UGGT2: variants seen among roughly 807,000 people sequenced by gnomAD.
UGGT2 encodes the protein UDP-glucose:glycoprotein glucosyltransferase 2.
In UGGT2, 180 loss-of-function variants were observed where a neutral mutation model predicts 192.1. That is an observed-to-expected ratio of 0.94 (90% CI 0.83 to 1.06). UGGT2 has a LOEUF of 1.06. Ranked by LOEUF, UGGT2 falls within the 50% of genes least tolerant of loss-of-function variation. UGGT2 has a pLI of 0.00. For synonymous variants in UGGT2, 580 were observed against 591.0 expected (o/e 0.98, Z 0.27); for missense variants, 1,849 against 1,795.7 (o/e 1.03, Z -0.54).
intron 38 of UGGT2, among the ~76,000 whole-genome samples, chr13:95,813,300 G>A (rs1884665632): frequency 6.6e-6 from 1 of 152,188 alleles, no homozygotes; most frequent in African/African-American, 2.4e-5. Flanking sequence ...GGACAGTGAA[G>A]TGAGCTCTCA....
chr13:95,959,963 G>A (rs61972933), intron 12 of UGGT2, among the ~76,000 whole-genome samples: 3,793 of 152,250 alleles, frequency 0.025, 57 homozygotes, highest in Non-Finnish European at 0.034. Context: ...TAGCAACTGT[G>A]CTACAAGCCA....
Position 96,023,652 on chromosome 13 carries a change from G to A in UGGT2, c.349C>T (p.Pro117Ser). 1.2e-6 allele frequency: 2 copies of A among 1,609,394 alleles called. No individual in the cohort carries two copies. The highest frequency in any genetic ancestry group is 1.7e-6 in the Non-Finnish European group (2 of 1,177,164). ...ACCTGCTGAAACATCTGAATAGCTG[G>A]GGAGTATGCCCTTATAGAGAAAGCA... ...KFAFSIRAYS[P>S]AIQMFQQIAA... The change falls in exon 3 of 39, where the codon CCA becomes TCA. Residue 117 changes from proline (P) to serine (S), a missense_variant. Transcript: ENST00000376747.
intron 1 of UGGT2, among the ~76,000 whole-genome samples, chr13:96,052,088 C>G (rs1205928060): frequency 3.3e-5 from 5 of 152,180 alleles, no homozygotes; most frequent in Non-Finnish European, 5.9e-5. Flanking sequence ...ACCCATCAAT[C>G]AACGAGTGGA....
rs1037484848 is a variant in UGGT2 at position 95,927,018 on chromosome 13, T to C, written c.2200+10A>G. ...TTTAAGAATTCAGGTAAATAAAATA[T>C]GCTTATTACCGTCTTGGGTTAAATA... On this transcript the variant is annotated intron_variant, in intron 19 of 38. Transcript: ENST00000376747. The C allele has an allele frequency of 1.3e-6, 2 of 1,586,112 alleles. No homozygotes were observed.
chr13:96,022,973 G>A, intron 4 of UGGT2, 67 bp downstream of exon 4: 1 of 1,139,672 alleles, frequency 8.8e-7, no homozygotes. Flanking sequence ...TTTATTATAA[G>A]AAGTTTCTGC....
At chr13:95,856,063 AT>A (rs555446602) in intron 34 of UGGT2, 94 bp downstream of exon 34, 4 of 1,036,976 alleles carry the variant, frequency 3.9e-6, no homozygotes, top group Admixed American at 2.9e-5. Flanking sequence ...CGTAATGAAG[AT>A]AATAAACATG....
chr13:95,894,535 C>A, intron 24 of UGGT2, 27 bp downstream of exon 24: 2 of 1,576,528 alleles, frequency 1.3e-6, no homozygotes, highest in South Asian at 1.2e-5. Context: ...ACAGAAAAAT[C>A]ACAAACAAAT....
chr13:95,994,340 A>C (rs1049658164), intron 7 of UGGT2, among the ~76,000 whole-genome samples: 4 of 151,908 alleles, frequency 2.6e-5, no homozygotes, highest in Non-Finnish European at 4.4e-5. Context: ...TTGCCAAGTT[A>C]ATTTATTAAA....
At position 95,925,721 on chromosome 13, in the gene UGGT2, G is replaced by T; in HGVS notation, c.2254C>A (p.Pro752Thr). ...TLWIIADFDK[P>T]SGRKLLFNAL... Reference sequence around the variant, plus strand: ...TTAAAAAGAAGTTTTCTCCCAGAAGGCTTATCAAAATCTGCAATAATCCAG... The same window carrying T: ...TTAAAAAGAAGTTTTCTCCCAGAAGTCTTATCAAAATCTGCAATAATCCAG... The change falls in exon 20 of 39, where the codon CCT becomes ACT. Residue 752 changes from proline (P) to threonine (T), a missense_variant. Coordinates refer to ENST00000376747, the MANE Select transcript of UGGT2 (RefSeq NM_020121.4). 6.3e-7 allele frequency: 1 copy of T among 1,579,048 alleles called. No individual in the cohort carries two copies. Among genetic ancestry groups the T allele is most frequent in the South Asian group, 1.2e-5 (1 of 84,286 alleles).
chr13:95,888,829 T>A (rs79310548), intron 25 of UGGT2, among the ~76,000 whole-genome samples: 1 of 150,506 alleles, frequency 6.6e-6, no homozygotes, highest in African/African-American at 2.4e-5. Flanking sequence ...TTTTTTTTTT[T>A]AAGAGACATA....
intron 37 of UGGT2, among the ~76,000 whole-genome samples, chr13:95,836,253 T>C (rs780060258): frequency 3.7e-4 from 57 of 152,168 alleles, no homozygotes; most frequent in Non-Finnish European, 6.9e-4. Context: ...TTTCATCATG[T>C]TAGCAACGCT....
chr13:95,856,304 G>A lies in UGGT2; in HGVS notation c.3862C>T (p.Arg1288Ter), dbSNP rs367639805. ...CACCTATATTGAACTAGTTCATATC[G>A]GAATCCATACTCTTTAGCCATGTGA... is the stretch of plus-strand genomic sequence containing the variant. Reference protein sequence around the residue: ...IPHMAKEYGFRYELVQYRWPR... With the variant: ...IPHMAKEYGF Residue 1288 changes from arginine to a stop codon, truncating the protein, a stop_gained, in exon 34 of 39, where the codon CGA (arginine) becomes TGA (stop). Transcript: ENST00000376747. LOFTEE classifies it high-confidence loss of function. 2.7e-5 allele frequency: 43 copies of A among 1,611,428 alleles called. No homozygotes were observed. Among genetic ancestry groups the A allele is most frequent in the African/African-American group, 1.2e-4 (9 of 74,806 alleles).
chr13:95,948,766 A>G (rs1376449172), intron 13 of UGGT2, among the ~76,000 whole-genome samples: 1 of 152,256 alleles, frequency 6.6e-6, no homozygotes, highest in East Asian at 1.9e-4. Context: ...AAAATGACAT[A>G]AGGGCTAAAG....
Position 95,801,812 on chromosome 13 carries a change from AC to A in UGGT2, c.4529-1del. On this transcript the variant is annotated splice_acceptor_variant, in intron 38 of 38. Transcript: ENST00000376747. LOFTEE classifies it high-confidence loss of function. The stretch of plus-strand genomic sequence containing the variant: ...GTGCTAGAGTTCATCATGTGTCAAA[AC>A]TATAAGGGAGAAAAGTTTATTTAGC... 1.2e-6 allele frequency: 2 copies of A among 1,613,858 alleles called. No homozygotes were observed. Among genetic ancestry groups the A allele is most frequent in the Non-Finnish European group, 1.7e-6 (2 of 1,179,846 alleles).
intron 29 of UGGT2, among the ~76,000 whole-genome samples, chr13:95,869,453 G>A (rs1397639028): frequency 6.6e-6 from 1 of 152,142 alleles, no homozygotes; most frequent in African/African-American, 2.4e-5. Flanking sequence ...GATCCCTCAG[G>A]AATCACCACA....
chr13:96,001,203 T>C (rs934934858), intron 5 of UGGT2, among the ~76,000 whole-genome samples: 1 of 152,120 alleles, frequency 6.6e-6, no homozygotes, highest in Non-Finnish European at 1.5e-5. Context: ...GAAGTGAAAA[T>C]GCCCTGCCCC....
intron 29 of UGGT2, among the ~76,000 whole-genome samples, chr13:95,876,031 T>C (rs1036907160): frequency 1.3e-5 from 2 of 151,850 alleles, no homozygotes; most frequent in African/African-American, 4.8e-5. Flanking sequence ...TTAATAGCCC[T>C]AAGCTAAAAA....
At chr13:95,848,131 G>A (rs1178926998) in intron 36 of UGGT2, among the ~76,000 whole-genome samples, 1 of 152,156 alleles carries the variant, frequency 6.6e-6, no homozygotes, top group Non-Finnish European at 1.5e-5. Context: ...TAAGGTCTTT[G>A]ATCCATTTCT....
intron 34 of UGGT2, among the ~76,000 whole-genome samples, chr13:95,855,250 C>T (rs1276393435): frequency 6.6e-6 from 1 of 151,690 alleles, no homozygotes; most frequent in Non-Finnish European, 1.5e-5. Flanking sequence ...TGTGCCACTG[C>T]ACTCCAGCCT....
Sources: gnomAD v4.1 joint callset for allele counts (sites outside exome capture counted in the v4.1 genomes callset) on GRCh38, gnomAD v4.1.1 for gene constraint, MANE v1.5 for transcripts, NCBI Gene and HGNC (gene_info 2026-07-23, HGNC 2026-07-21) for gene names.